The following ALMS1 variants were observed in gnomAD, a reference collection of about 807,000 sequenced individuals.
ALMS1 encodes the protein ALMS1 centrosome and basal body associated protein, also known as centrosome-associated protein ALMS1.
A neutral mutation model predicts 352.2 loss-of-function variants in ALMS1; 271 were observed. The ratio of observed to expected loss-of-function variants is 0.77; its 90% CI spans 0.70 to 0.85. ALMS1 has a LOEUF of 0.85. Among genes scored for constraint, ALMS1 ranks in the 40% least tolerant of loss-of-function variants. The pLI is 0.00. For synonymous variants in ALMS1, 1,865 were observed against 1,761.2 expected (o/e 1.06, Z -1.48); for missense variants, 5,445 against 4,870.7 (o/e 1.12, Z -3.51).
intron 9 of ALMS1, among the ~76,000 whole-genome samples, chr2:73,487,597 G>C (rs1672879611): frequency 6.6e-6 from 1 of 152,178 alleles, no homozygotes; most frequent in African/African-American, 2.4e-5. Flanking sequence ...ATGGCAGGCG[G>C]GGAGGGGGCA....
At chr2:73,552,817 TATC>T (rs1674466441) in intron 13 of ALMS1, among the ~76,000 whole-genome samples, 1 of 152,094 alleles carries the variant, frequency 6.6e-6, no homozygotes, top group Non-Finnish European at 1.5e-5. Flanking sequence ...GCTCATAAAA[TATC>T]ATATCATAAG....
At chr2:73,537,457 A>C (rs1383681683) in intron 12 of ALMS1, among the ~76,000 whole-genome samples, 2 of 152,174 alleles carry the variant, frequency 1.3e-5, no homozygotes, top group Non-Finnish European at 2.9e-5. Context: ...TCAGTGTTGA[A>C]GGTACATCCC....
At chr2:73,395,152 G>A (rs1195488034) in intron 1 of ALMS1, among the ~76,000 whole-genome samples, 2 of 132,624 alleles carry the variant, frequency 1.5e-5, no homozygotes, top group African/African-American at 2.9e-5. Flanking sequence ...CACAATCTCC[G>A]CCCACTGCAA....
intron 1 of ALMS1, 75 bp from the exon 2 acceptor site, chr2:73,408,547 A>C (rs932866984): frequency 3.3e-6 from 5 of 1,502,726 alleles, no homozygotes; most frequent in Non-Finnish European, 4.6e-6. Context: ...GTATGGTCTA[A>C]ATATTAGTTT....
At chr2:73,465,374 A>G (rs1301368293) in intron 9 of ALMS1, among the ~76,000 whole-genome samples, 1 of 152,220 alleles carries the variant, frequency 6.6e-6, no homozygotes, top group African/African-American at 2.4e-5. Context: ...CCTGACAAAA[A>G]CAAGAAATGG....
intron 11 of ALMS1, among the ~76,000 whole-genome samples, chr2:73,528,531 G>T (rs886235267): frequency 1.3e-5 from 2 of 152,100 alleles, no homozygotes; most frequent in Non-Finnish European, 2.9e-5. Context: ...TCTGATATGA[G>T]TATAGCTGTT....
chr2:73,589,579 C>A (rs1675381187), intron 16 of ALMS1, among the ~76,000 whole-genome samples: 4 of 152,168 alleles, frequency 2.6e-5, no homozygotes, highest in Admixed American at 2.6e-4. Flanking sequence ...TTTAAGTATG[C>A]ATGAACTTTC....
intron 11 of ALMS1, among the ~76,000 whole-genome samples, chr2:73,533,611 G>T (rs969716691): frequency 5.9e-5 from 9 of 152,170 alleles, no homozygotes; most frequent in Admixed American, 5.2e-4. Flanking sequence ...CTGTAAGGGA[G>T]ATTGGAAGTG....
At chr2:73,580,704 C>T (rs1052712576) in intron 16 of ALMS1, among the ~76,000 whole-genome samples, 2 of 152,064 alleles carry the variant, frequency 1.3e-5, no homozygotes, top group African/African-American at 2.4e-5. Flanking sequence ...TCAGATTTTC[C>T]TCCCCTTCTC....
At chr2:73,593,549 A>G (rs1675477624) in intron 16 of ALMS1, among the ~76,000 whole-genome samples, 1 of 152,182 alleles carries the variant, frequency 6.6e-6, no homozygotes, top group South Asian at 2.1e-4. Context: ...TTCAGTTGGC[A>G]TACAATAAAT....
intron 10 of ALMS1, among the ~76,000 whole-genome samples, chr2:73,518,753 A>G (rs1558678722): frequency 6.6e-6 from 1 of 152,124 alleles, no homozygotes; most frequent in East Asian, 1.9e-4. Context: ...GGCTGCATAT[A>G]TATCTTCTTT....
intron 4 of ALMS1, 37 bp downstream of exon 4, chr2:73,423,011 C>G: frequency 6.5e-7 from 1 of 1,530,310 alleles, no homozygotes; most frequent in Non-Finnish European, 9.1e-7. Context: ...TTTCTCACTT[C>G]TTGTTCTATG....
chr2:73,530,164 C>G (rs1308100416), intron 11 of ALMS1, among the ~76,000 whole-genome samples: 3 of 152,150 alleles, frequency 2.0e-5, no homozygotes, highest in African/African-American at 7.2e-5. Flanking sequence ...AGCATTAACC[C>G]AAAAGTCCAA....
rs186349967 is a variant in ALMS1 at position 73,444,251 on chromosome 2, C to G, written c.1433-3709C>G. Among the ~76,000 whole-genome samples, 382 of 152,236 alleles carry G rather than the reference C, an allele frequency of 2.5e-3. 4 individuals carry two copies. The highest frequency in any genetic ancestry group is 8.9e-3 in the African/African-American group (368 of 41,546). ...GAAGCAAGATCTGAAATTACATCTT[C>G]TCCTGTCCCAGAGGGAATTTCTTTG... On this transcript the variant is annotated intron_variant, in intron 7 of 22. Coordinates refer to ENST00000613296, the MANE Select transcript of ALMS1 (RefSeq NM_001378454.1).
At chr2:73,456,805 C>T (rs1363076364) in intron 9 of ALMS1, 2 of 152,104 alleles carry the variant, frequency 1.3e-5, no homozygotes, top group Admixed American at 6.5e-5. Flanking sequence ...TATATGCTGC[C>T]AAAGTGAGCA....
At chr2:73,471,237 C>G (rs1380906755) in intron 9 of ALMS1, among the ~76,000 whole-genome samples, 1 of 121,898 alleles carries the variant, frequency 8.2e-6, no homozygotes, top group African/African-American at 3.1e-5. Flanking sequence ...TTTTTTTTTT[C>G]TTTCGTGTAT....
At chr2:73,454,161 A>G in intron 8 of ALMS1, 94 bp downstream of exon 8, 1 of 1,514,696 alleles carries the variant, frequency 6.6e-7, no homozygotes, top group Non-Finnish European at 8.8e-7. Context: ...CCAATGAAAA[A>G]TACAAGCAAG....
chr2:73,487,942 C>T (rs1205925509), intron 9 of ALMS1, among the ~76,000 whole-genome samples: 3 of 152,184 alleles, frequency 2.0e-5, no homozygotes, highest in African/African-American at 7.2e-5. Flanking sequence ...CAGGTCATTC[C>T]ATTGTCTCTC....
chr2:73,600,611 A>G, intron 17 of ALMS1, 67 bp from the exon 18 acceptor site: 1 of 1,438,796 alleles, frequency 7.0e-7, no homozygotes, highest in Non-Finnish European at 9.5e-7. Flanking sequence ...TCACGTACTC[A>G]CTTGAATAAA....
Sources: gnomAD v4.1 joint callset for allele counts (sites outside exome capture counted in the v4.1 genomes callset) on GRCh38, gnomAD v4.1.1 for gene constraint, MANE v1.5 for transcripts, NCBI Gene and HGNC (gene_info 2026-07-23, HGNC 2026-07-21) for gene names.